The following DIP2A variants were observed in gnomAD, a reference collection of about 807,000 sequenced individuals.
The protein encoded by DIP2A is DIP2 acetate--CoA ligase A.
DIP2A carries 85 observed loss-of-function variants against 177.4 expected under a neutral mutation model. The observed-to-expected ratio is 0.48, with a 90% CI of 0.40 to 0.57. DIP2A has a LOEUF of 0.57. Among genes scored for constraint, DIP2A ranks in the 20% least tolerant of loss-of-function variants. The probability of loss-of-function intolerance (pLI) is 0.00; values close to 1 mark genes in which losing one functional copy is unlikely to be tolerated. For synonymous variants in DIP2A, 886 were observed against 881.8 expected (o/e 1.00, Z -0.08); for missense variants, 1,791 against 2,100.2 (o/e 0.85, Z 2.88).
intron 1 of DIP2A, among the ~76,000 whole-genome samples, chr21:46,481,045 C>T (rs941234787): frequency 1.8e-4 from 28 of 152,216 alleles, no homozygotes; most frequent in Admixed American, 1.3e-3. Flanking sequence ...GGTGGCAGAG[C>T]GAGACCCTGA....
intron 5 of DIP2A, among the ~76,000 whole-genome samples, chr21:46,500,787 T>C (rs1568980498): frequency 6.6e-6 from 1 of 152,208 alleles, no homozygotes. Context: ...CTCTAATGTG[T>C]GTTTGAATTA....
chr21:46,563,993 C>T lies in DIP2A; in HGVS notation c.4164+61C>T. 3 of 1,557,418 alleles carry T rather than the reference C, an allele frequency of 1.9e-6. No homozygotes were observed. The highest frequency in any genetic ancestry group is 1.2e-5 in the South Asian group (1 of 86,558). On this transcript the variant is annotated intron_variant, in intron 35 of 37. Coordinates refer to ENST00000417564, the MANE Select transcript of DIP2A (RefSeq NM_015151.4). The surrounding 1 kb of genome is among the most constrained non-coding windows in gnomAD (Gnocchi z 4.3). ...CAGCCTCACCAGCTTCACCTTCCTTCCCTTTTTGCTTCAGATTTTGGAATT... is the reference window on the plus strand; with the variant it reads ...CAGCCTCACCAGCTTCACCTTCCTTTCCTTTTTGCTTCAGATTTTGGAATT...
chr21:46,567,439 G>A lies in DIP2A; in HGVS notation c.4533G>A (p.Leu1511=). The change falls in exon 38 of 38, where the codon CTG becomes CTA. Residue 1511 remains leucine, a synonymous_variant. Coordinates refer to ENST00000417564, the MANE Select transcript of DIP2A (RefSeq NM_015151.4). The part of the protein sequence containing the change: ...VELDGLEQDA[L]DLVALVTNVV... ...TGGATGGGCTAGAGCAGGATGCCCT[G>A]GACCTGGTGGCCCTGGTGACCAACG... The A allele has an allele frequency of 1.2e-6, 2 of 1,614,014 alleles. No individual in the cohort carries two copies. Among genetic ancestry groups the A allele is most frequent in the Non-Finnish European group, 1.7e-6 (2 of 1,179,900 alleles).
At chr21:46,573,643 CACAAAAAAAAAAAAAAAAA>C (rs2060979480), downstream of DIP2A, among the ~76,000 whole-genome samples, 1 of 28,884 alleles carries the variant, frequency 3.5e-5, no homozygotes, top group African/African-American at 1.4e-4. Context: ...GACCCTCTCT[CACAAAAAAAAAAAAAAAAA>C]AAAAAAAAAA....
Position 46,547,054 on chromosome 21 carries a change from C to T in DIP2A, c.2522+12C>T, listed in dbSNP as rs1290234431. 6.2e-6 allele frequency: 10 copies of T among 1,611,426 alleles called. No individual in the cohort carries two copies. Among genetic ancestry groups the T allele is most frequent in the Non-Finnish European group, 7.6e-6 (9 of 1,177,870 alleles). ...GTCTACAGAGGCAGGTGATGCGCTG[C>T]GGACCCCCACGCCGGGAGTAGATTC... On this transcript the variant is annotated intron_variant, in intron 21 of 37. Transcript: ENST00000417564.
In DIP2A at chr21:46,556,750, T is replaced by C; in HGVS notation, c.3499-189T>C. 5.4e-6 allele frequency: 3 copies of C among 552,670 alleles called. No homozygotes were observed. The South Asian group carries it at 9.4e-5, about 17-fold the overall frequency. 34.2% of individuals were successfully genotyped at this position (552,670 alleles called of 1,614,324 possible). ...GAAATTTTGTTTCAAAGATTTTTAGTGTACCATTTCTTGGGTATTATTTAG... is the reference window on the plus strand; with the variant it reads ...GAAATTTTGTTTCAAAGATTTTTAGCGTACCATTTCTTGGGTATTATTTAG... On this transcript the variant is annotated intron_variant, in intron 29 of 37. Transcript: ENST00000417564. This position sits in a 1 kb window ranked among gnomAD's most constrained non-coding sequence, Gnocchi z 4.5.
chr21:46,581,511 C>T, the DIP2A span, among the ~76,000 whole-genome samples: 14,657 of 152,090 alleles, frequency 0.096, 925 homozygotes, highest in East Asian at 0.33. Flanking sequence ...TTCAGTCATT[C>T]GAAGGAGAAG....
chr21:46,476,454 G>A (rs2055853254), intron 1 of DIP2A, among the ~76,000 whole-genome samples: 1 of 152,096 alleles, frequency 6.6e-6, no homozygotes, highest in Non-Finnish European at 1.5e-5. Flanking sequence ...GCCCGAGGAA[G>A]GCGCAGGGCA....
At chr21:46,544,295 C>T (rs77407175) in intron 18 of DIP2A, among the ~76,000 whole-genome samples, 7,211 of 152,116 alleles carry the variant, frequency 0.047, 227 homozygotes, top group Non-Finnish European at 0.064. Context: ...CATGAAAAGG[C>T]GCACATGTAC....
intron 8 of DIP2A, among the ~76,000 whole-genome samples, chr21:46,515,578 C>A (rs1285010465): frequency 6.6e-6 from 1 of 151,978 alleles, no homozygotes; most frequent in African/African-American, 2.4e-5. Context: ...GTTCGGTCAC[C>A]CAGGCTGGAG....
In DIP2A at chr21:46,498,656, C is replaced by G; in HGVS notation, c.478C>G (p.His160Asp). 1 of 1,613,812 alleles carries G rather than the reference C, an allele frequency of 6.2e-7. No individual in the cohort carries two copies. Among genetic ancestry groups the G allele is most frequent in the Non-Finnish European group, 8.5e-7 (1 of 1,179,878 alleles). The change falls in exon 5 of 38, where the codon CAT becomes GAT. Residue 160 changes from histidine (H) to aspartate (D), a missense_variant. Physicochemically the swap from His to Asp is moderately conservative, Grantham distance 81. Coordinates refer to ENST00000417564, the MANE Select transcript of DIP2A (RefSeq NM_015151.4). The surrounding 1 kb of genome is among the most constrained non-coding windows in gnomAD (Gnocchi z 4.3). ...GRLTSTPLQS[H>D]SSVEPWLDRV... ...ACTCACCTCCACTCCGCTCCAGAGC[C>G]ATTCCAGCGTCGAGCCCTGGCTCGA...
At position 46,527,057 on chromosome 21, in the gene DIP2A, A is replaced by G. The variant is rs376101822; in HGVS notation, c.1103-2035A>G. Reference sequence around the variant, plus strand: ...AGAATTTCAAAAATCATTTAAAATCATTTTAAAATCATGAATGATTTAAAC... The same window carrying G: ...AGAATTTCAAAAATCATTTAAAATCGTTTTAAAATCATGAATGATTTAAAC... On this transcript the variant is annotated intron_variant, in intron 8 of 37. Transcript: ENST00000417564. Among the ~76,000 whole-genome samples the G allele has an allele frequency of 1.4e-4, 21 of 151,828 alleles. No individual in the cohort carries two copies. The East Asian group carries it at 2.1e-3, about 15-fold the overall frequency.
In DIP2A at chr21:46,534,251, A is replaced by T. The variant is rs536988757; in HGVS notation, c.1539+138A>T. ...TTCTTGTTTTATCTCTGCCCTGGAA[A>T]TACAGAGTGTCATATAAATCCTTGC... On this transcript the variant is annotated intron_variant, in intron 12 of 37. Transcript: ENST00000417564. 9 of 692,316 alleles carry T rather than the reference A, an allele frequency of 1.3e-5. No homozygotes were observed. In the East Asian group the frequency reaches 2.2e-4, roughly 17 times the overall value. 42.9% of individuals were successfully genotyped at this position (692,316 alleles called of 1,614,324 possible). A position where few individuals can be genotyped will look rare whatever the true frequency, so the allele number is the denominator to read the frequency against.
At chr21:46,483,239 T>A (rs946811024) in intron 1 of DIP2A, among the ~76,000 whole-genome samples, 2 of 151,996 alleles carry the variant, frequency 1.3e-5, no homozygotes, top group Non-Finnish European at 2.9e-5. Context: ...CAAAGCAACA[T>A]GCATTCTGCA....
chr21:46,481,911 C>A (rs374391134), intron 1 of DIP2A, among the ~76,000 whole-genome samples: 1 of 151,968 alleles, frequency 6.6e-6, no homozygotes, highest in East Asian at 1.9e-4. Context: ...ATTAGCCAGG[C>A]GTGGTGGCGC....
At chr21:46,576,862 C>G in the DIP2A span, among the ~76,000 whole-genome samples, 1 of 152,172 alleles carries the variant, frequency 6.6e-6, no homozygotes, top group Non-Finnish European at 1.5e-5. Flanking sequence ...TTTTGACTTG[C>G]ATTTCTCTAA....
At chr21:46,531,998 T>G in intron 9 of DIP2A, 129 bp from the exon 10 acceptor site, 1 of 826,760 alleles carries the variant, frequency 1.2e-6, no homozygotes, top group Non-Finnish European at 1.9e-6. Context: ...GACTTGTCCC[T>G]TATGGTTTCA....
intron 6 of DIP2A, among the ~76,000 whole-genome samples, chr21:46,507,915 T>C (rs2058100744): frequency 6.6e-6 from 1 of 151,844 alleles, no homozygotes; most frequent in East Asian, 1.9e-4. Context: ...TGGCTAATTT[T>C]TGTATTTTTT....
chr21:46,541,361 C>T (rs1569073579), intron 17 of DIP2A, among the ~76,000 whole-genome samples: 1 of 152,182 alleles, frequency 6.6e-6, no homozygotes, highest in Non-Finnish European at 1.5e-5. Flanking sequence ...CAGGCCCCCA[C>T]CTGGTCTCTC....
Sources: gnomAD v4.1 joint callset for allele counts (sites outside exome capture counted in the v4.1 genomes callset) on GRCh38, gnomAD v4.1.1 for gene constraint, Gnocchi (gnomAD v3.1) non-coding constraint, MANE v1.5 for transcripts, NCBI Gene and HGNC (gene_info 2026-07-23, HGNC 2026-07-21) for gene names.